The following ARHGAP42 variants were observed in gnomAD, a reference collection of about 807,000 sequenced individuals.
ARHGAP42 encodes Rho GTPase activating protein 42.
Under a neutral mutation model 125.0 loss-of-function variants are expected in ARHGAP42, and 63 were observed. That is an observed-to-expected ratio of 0.50 (90% confidence interval 0.41 to 0.62). The LOEUF is 0.62. ARHGAP42 is among the 20% of genes least tolerant of loss of function. ARHGAP42 has a pLI of 0.00. For synonymous variants in ARHGAP42, 339 were observed against 351.0 expected (o/e 0.97, Z 0.38); for missense variants, 766 against 1,024.2 (o/e 0.75, Z 3.44).
rs553722122 is a variant in ARHGAP42 at position 100,719,612 on chromosome 11, C to T, written c.154+31780C>T. On this transcript the variant is annotated intron_variant, in intron 1 of 23. Transcript: ENST00000298815. ...AGGTTCTGGTATCTACTCACTAACT[C>T]ACAGGTGACCTCACCCATATCTCTG... Among the ~76,000 whole-genome samples, 17 of 152,278 alleles carry T rather than the reference C, an allele frequency of 1.1e-4. No homozygotes were observed. The East Asian group carries it at 3.3e-3, about 29-fold the overall frequency.
intron 2 of ARHGAP42, among the ~76,000 whole-genome samples, chr11:100,777,016 C>T (rs1311402179): frequency 1.3e-5 from 2 of 150,178 alleles, no homozygotes; most frequent in Non-Finnish European, 3.0e-5. Flanking sequence ...AAGAGCATGT[C>T]GCATTTTAAA....
chr11:100,804,163 T>C (rs1236944260), intron 3 of ARHGAP42, among the ~76,000 whole-genome samples: 1 of 152,180 alleles, frequency 6.6e-6, no homozygotes, highest in East Asian at 1.9e-4. Flanking sequence ...TTTTTATTTT[T>C]ATTTTTCAGA....
intron 1 of ARHGAP42, among the ~76,000 whole-genome samples, chr11:100,731,083 G>C (rs191450373): frequency 6.6e-6 from 1 of 152,014 alleles, no homozygotes; most frequent in African/African-American, 2.4e-5. Flanking sequence ...TCAATGAAAT[G>C]ACTTTAGAAA....
intron 17 of ARHGAP42, among the ~76,000 whole-genome samples, chr11:100,966,089 G>A (rs1858087231): frequency 2.0e-5 from 3 of 151,862 alleles, no homozygotes; most frequent in South Asian, 4.2e-4. Flanking sequence ...ATTCTTTTAG[G>A]TGCATTATAA....
At chr11:100,754,264 T>C (rs1037736529) in intron 1 of ARHGAP42, among the ~76,000 whole-genome samples, 3 of 152,240 alleles carry the variant, frequency 2.0e-5, no homozygotes, top group Non-Finnish European at 2.9e-5. Context: ...ATTGTAAACA[T>C]GAACACTGCT....
At chr11:100,931,684 G>A (rs1391146606) in intron 6 of ARHGAP42, among the ~76,000 whole-genome samples, 1 of 152,044 alleles carries the variant, frequency 6.6e-6, no homozygotes, top group East Asian at 1.9e-4. Context: ...TCTGTTAGTT[G>A]GATGTTCAGA....
intron 4 of ARHGAP42, among the ~76,000 whole-genome samples, chr11:100,869,405 C>CTTTT (rs59868766): frequency 6.8e-6 from 1 of 146,920 alleles, no homozygotes; most frequent in Non-Finnish European, 1.5e-5. Context: ...AATCTTTCCT[C>CTTTT]TTTTTTTTTT....
At chr11:100,708,214 T>C (rs536225090) in intron 1 of ARHGAP42, among the ~76,000 whole-genome samples, 4 of 152,158 alleles carry the variant, frequency 2.6e-5, no homozygotes, top group African/African-American at 9.7e-5. Flanking sequence ...ACCTGGTACA[T>C]AGAAATCAAT....
chr11:100,884,988 T>A (rs1866053996), intron 4 of ARHGAP42, among the ~76,000 whole-genome samples: 1 of 152,124 alleles, frequency 6.6e-6, no homozygotes, highest in Non-Finnish European at 1.5e-5. Flanking sequence ...GAGACTAACC[T>A]CAGAACACCT....
chr11:100,853,366 A>G (rs974450335), intron 3 of ARHGAP42, among the ~76,000 whole-genome samples: 2 of 152,188 alleles, frequency 1.3e-5, no homozygotes, highest in Admixed American at 6.6e-5. Flanking sequence ...GCAATATGCT[A>G]TGGTTAAGTC....
chr11:100,722,434 C>T (rs1385656630), intron 1 of ARHGAP42, among the ~76,000 whole-genome samples: 1 of 150,766 alleles, frequency 6.6e-6, no homozygotes, highest in Non-Finnish European at 1.5e-5. Flanking sequence ...GCTCTGTTGC[C>T]CAGGCTGGAG....
intron 1 of ARHGAP42, among the ~76,000 whole-genome samples, chr11:100,768,195 T>C (rs1022825711): frequency 2.6e-5 from 4 of 152,110 alleles, no homozygotes; most frequent in African/African-American, 9.7e-5. Flanking sequence ...TCACAACAGG[T>C]GTAAAGACTA....
At chr11:100,853,001 A>G (rs1242515880) in intron 3 of ARHGAP42, among the ~76,000 whole-genome samples, 1 of 152,152 alleles carries the variant, frequency 6.6e-6, no homozygotes, top group Non-Finnish European at 1.5e-5. Context: ...CATTTCTTAA[A>G]TCTCTCTCTG....
chr11:100,938,529 T>A (rs921617766), intron 8 of ARHGAP42, among the ~76,000 whole-genome samples: 3 of 152,164 alleles, frequency 2.0e-5, no homozygotes, highest in African/African-American at 7.2e-5. Flanking sequence ...ATAAATTAAT[T>A]GCACCTGCTT....
At chr11:100,899,687 G>GT (rs1225880550) in intron 4 of ARHGAP42, among the ~76,000 whole-genome samples, 3 of 120,794 alleles carry the variant, frequency 2.5e-5, no homozygotes, top group South Asian at 6.0e-4. Flanking sequence ...TTGTTTGTTT[G>GT]TTTGTTTTGT....
intron 1 of ARHGAP42, among the ~76,000 whole-genome samples, chr11:100,736,979 C>T (rs981960152): frequency 1.3e-5 from 2 of 152,006 alleles, no homozygotes; most frequent in African/African-American, 4.8e-5. Flanking sequence ...TTGGGGCATC[C>T]TATAGGACAG....
chr11:100,976,428 G>A lies in ARHGAP42; in HGVS notation c.2227G>A (p.Ala743Thr), dbSNP rs183901201. Residue 743 changes from alanine to threonine, a missense_variant, in exon 20 of 24, where the codon GCA becomes ACA. Physicochemically the swap from Ala to Thr is moderately conservative, Grantham distance 58 (BLOSUM62 0). Around this residue, in one of 3 missense-constraint regions of ARHGAP42, gnomAD observed 308 missense variants for 369.7 expected, o/e 0.83. Transcript: ENST00000298815. ...TGCTTCTTCTCTCAGATCCATCTCT[G>A]CAGCTGAAGGTAAGGCAGAGTGGAA... The part of the protein sequence containing the change: ...ASASSLRSIS[A>T]AEGNKSYSGS... 1 of 1,527,530 alleles carries A rather than the reference G, an allele frequency of 6.5e-7. No individual in the cohort carries two copies. The highest frequency in any genetic ancestry group is 8.8e-7 in the Non-Finnish European group (1 of 1,138,738). The allele number at this position is 1,527,530 out of a possible 1,614,324, so 94.6% of individuals were successfully genotyped here.
intron 22 of ARHGAP42, among the ~76,000 whole-genome samples, chr11:100,981,523 A>G (rs1390395143): frequency 2.6e-5 from 4 of 152,220 alleles, no homozygotes; most frequent in Non-Finnish European, 4.4e-5. Flanking sequence ...AAGACTAGCC[A>G]TATTTTGGAA....
chr11:100,935,515 AAGAAACTAAGTCCCT>A (rs1867710585), intron 7 of ARHGAP42, among the ~76,000 whole-genome samples: 1 of 152,158 alleles, frequency 6.6e-6, no homozygotes, highest in Admixed American at 6.6e-5. Context: ...TTTCCCTCAA[AAGAAACTAAGTCCCT>A]ATGTATCTGT....
Sources: allele counts gnomAD v4.1 joint callset (sites outside exome capture counted in the v4.1 genomes callset), GRCh38; gene constraint gnomAD v4.1.1; regional missense constraint gnomAD v4.1.1; transcripts MANE v1.5; gene names NCBI Gene and HGNC (gene_info 2026-07-23, HGNC 2026-07-21).